The following CAMTA1 variants were observed in gnomAD, a reference collection of about 807,000 sequenced individuals.
CAMTA1 encodes calmodulin-binding transcription activator 1.
CAMTA1 carries 27 observed loss-of-function variants against 170.9 expected under a neutral mutation model. The ratio of observed to expected loss-of-function variants is 0.16; its 90% CI spans 0.12 to 0.22. The LOEUF (loss-of-function observed/expected upper bound fraction) is 0.22, where lower values mean the gene tolerates loss of function less well. Among genes scored for constraint, CAMTA1 ranks in the 10% least tolerant of loss-of-function variants. The pLI is 1.00. For synonymous variants in CAMTA1, 833 were observed against 891.5 expected (o/e 0.93, Z 1.17); for missense variants, 1,619 against 2,217.2 (o/e 0.73, Z 5.42).
intron 6 of CAMTA1, among the ~76,000 whole-genome samples, chr1:7,599,665 A>G (rs2095425737): frequency 6.6e-6 from 1 of 152,054 alleles, no homozygotes; most frequent in Non-Finnish European, 1.5e-5. Context: ...TGTCCCTTGT[A>G]AGTTGGATTC....
At chr1:6,913,586 C>T (rs189523529) in intron 3 of CAMTA1, among the ~76,000 whole-genome samples, 75 of 152,294 alleles carry the variant, frequency 4.9e-4, no homozygotes, top group Non-Finnish European at 1.1e-3. Flanking sequence ...TCTTCCTGCC[C>T]TGGGTGCTGA....
intron 3 of CAMTA1, among the ~76,000 whole-genome samples, chr1:6,979,254 C>T (rs1010603204): frequency 5.9e-5 from 9 of 152,200 alleles, no homozygotes; most frequent in Admixed American, 5.9e-4. Flanking sequence ...AGCTCCTGCA[C>T]AGGGTCTCCG....
intron 3 of CAMTA1, among the ~76,000 whole-genome samples, chr1:7,053,003 C>T (rs968629096): frequency 6.6e-6 from 1 of 152,210 alleles, no homozygotes; most frequent in Non-Finnish European, 1.5e-5. Flanking sequence ...GCCCTGGCTT[C>T]CCCCTGCCAG....
chr1:6,820,932 G>A (rs1196867777), intron 2 of CAMTA1, among the ~76,000 whole-genome samples: 1 of 152,130 alleles, frequency 6.6e-6, no homozygotes, highest in African/African-American at 2.4e-5. Flanking sequence ...CACTTTATCT[G>A]TTCCCTCATA....
intron 4 of CAMTA1, among the ~76,000 whole-genome samples, chr1:7,247,514 T>G (rs1047466719): frequency 6.6e-6 from 1 of 152,220 alleles, no homozygotes; most frequent in Non-Finnish European, 1.5e-5. Flanking sequence ...TCTCCTTGGA[T>G]GGAGTATCTT....
chr1:6,951,252 G>A (rs1468523775), intron 3 of CAMTA1, among the ~76,000 whole-genome samples: 1 of 152,160 alleles, frequency 6.6e-6, no homozygotes, highest in Non-Finnish European at 1.5e-5. Context: ...TGGGGGATCT[G>A]GATCAGATGG....
At chr1:6,786,801 C>G (rs1252733787) in intron 1 of CAMTA1, among the ~76,000 whole-genome samples, 1 of 152,052 alleles carries the variant, frequency 6.6e-6, no homozygotes, top group Non-Finnish European at 1.5e-5. Context: ...AGTGGGCGCC[C>G]CAATAAGATG....
intron 6 of CAMTA1, among the ~76,000 whole-genome samples, chr1:7,573,433 A>G (rs368406238): frequency 1.3e-5 from 2 of 152,200 alleles, no homozygotes; most frequent in African/African-American, 4.8e-5. Context: ...TGGTGTTTCT[A>G]TGAAGGGAAC....
intron 4 of CAMTA1, among the ~76,000 whole-genome samples, chr1:7,123,704 A>C (rs1192650813): frequency 6.6e-6 from 1 of 152,002 alleles, no homozygotes; most frequent in East Asian, 1.9e-4. Context: ...TTCATTGGGG[A>C]TGCCTGTTCT....
At chr1:6,930,557 G>C (rs182065223) in intron 3 of CAMTA1, among the ~76,000 whole-genome samples, 1 of 152,298 alleles carries the variant, frequency 6.6e-6, no homozygotes, top group Non-Finnish European at 1.5e-5. Flanking sequence ...GAGCTCATGG[G>C]GGTTAGGGGT....
intron 7 of CAMTA1, among the ~76,000 whole-genome samples, chr1:7,654,803 ACACC>A (rs2095871879): frequency 6.7e-5 from 2 of 29,900 alleles, no homozygotes; most frequent in Non-Finnish European, 2.8e-4. Flanking sequence ...ACCTATACAC[ACACC>A]CACACACACC....
In CAMTA1 at chr1:7,747,795, T is replaced by A; in HGVS notation, c.4689+14T>A. The A allele has an allele frequency of 6.3e-7, 1 of 1,599,124 alleles. No homozygotes were observed. Among genetic ancestry groups the A allele is most frequent in the East Asian group, 2.2e-5 (1 of 44,470 alleles). ...AAATATAAACAGGTAAACCTCAGTT[T>A]TGCACCACAGAAGGAAACTGTGCCC... On this transcript the variant is annotated intron_variant, in intron 19 of 22. Coordinates refer to ENST00000303635, the MANE Select transcript of CAMTA1 (RefSeq NM_015215.4).
intron 6 of CAMTA1, among the ~76,000 whole-genome samples, chr1:7,524,073 G>A (rs372809266): frequency 1.7e-4 from 26 of 151,488 alleles, no homozygotes; most frequent in African/African-American, 5.6e-4. Flanking sequence ...ATGGTGATGC[G>A]TGCCTGTAGT....
In CAMTA1 at chr1:7,534,406, C is replaced by T. The variant is rs1018989888; in HGVS notation, c.510+66505C>T. On this transcript the variant is annotated intron_variant, in intron 6 of 22. Transcript: ENST00000303635. This position sits in a 1 kb window ranked among gnomAD's most constrained non-coding sequence, Gnocchi z 5.6. The stretch of plus-strand genomic sequence containing the variant: ...ACACGGGGAGAGCTTGCTGCAGACC[C>T]GGGGAGGAGAAGCCACTGTGGATGG... Among the ~76,000 whole-genome samples, 2 of 152,154 alleles carry T rather than the reference C, an allele frequency of 1.3e-5. No individual in the cohort carries two copies. Among genetic ancestry groups the T allele is most frequent in the South Asian group, 2.1e-4 (1 of 4,828 alleles).
chr1:7,373,583 A>G (rs2086639082), intron 5 of CAMTA1, among the ~76,000 whole-genome samples: 1 of 152,250 alleles, frequency 6.6e-6, no homozygotes, highest in Non-Finnish European at 1.5e-5. Flanking sequence ...AGAGGAGCCA[A>G]GAGACAACAG....
At chr1:6,908,083 C>T (rs932369796) in intron 3 of CAMTA1, among the ~76,000 whole-genome samples, 3 of 152,204 alleles carry the variant, frequency 2.0e-5, no homozygotes, top group Non-Finnish European at 2.9e-5. Flanking sequence ...TCTGCCTGGA[C>T]CCCCAGACAG....
chr1:7,110,811 C>T (rs191533041), intron 4 of CAMTA1, among the ~76,000 whole-genome samples: 226 of 152,324 alleles, frequency 1.5e-3, no homozygotes, highest in African/African-American at 5.3e-3. Flanking sequence ...AGTTTAGGGA[C>T]TCTGTGCGAC....
At chr1:6,894,233 A>G (rs1248434055) in intron 3 of CAMTA1, among the ~76,000 whole-genome samples, 3 of 152,360 alleles carry the variant, frequency 2.0e-5, no homozygotes, top group African/African-American at 7.2e-5. Context: ...CAATTTTAAG[A>G]ACCAGCCATT....
intron 5 of CAMTA1, among the ~76,000 whole-genome samples, chr1:7,379,010 G>A (rs1244645892): frequency 6.6e-6 from 1 of 152,194 alleles, no homozygotes; most frequent in Non-Finnish European, 1.5e-5. Context: ...GTGCGCCTCA[G>A]GGTGGCACCT....
Sources: gnomAD v4.1 joint callset for allele counts (sites outside exome capture counted in the v4.1 genomes callset) on GRCh38, gnomAD v4.1.1 for gene constraint, Gnocchi (gnomAD v3.1) non-coding constraint, MANE v1.5 for transcripts, NCBI Gene and HGNC (gene_info 2026-07-23, HGNC 2026-07-21) for gene names.